The following FAM169A variants were observed in gnomAD, a reference collection of about 807,000 sequenced individuals.
The protein encoded by FAM169A is family with sequence similarity 169 member A.
FAM169A carries 24 observed loss-of-function variants against 75.7 expected under a neutral mutation model. The ratio of observed to expected loss-of-function variants is 0.32; its 90% confidence interval spans 0.23 to 0.45. The LOEUF (loss-of-function observed/expected upper bound fraction) is 0.45, where lower values mean the gene tolerates loss of function less well. Ranked by LOEUF, FAM169A falls within the 20% of genes least tolerant of loss-of-function variation. FAM169A has a pLI of 1.00. For missense variants in FAM169A, 673 were observed against 784.0 expected, an observed-to-expected ratio of 0.86 and a Z score of 1.69; for synonymous variants, 271 against 271.0, an observed-to-expected ratio of 1.00 and a Z score of 0.00.
At chr5:74,798,664 G>T (rs1746403416) in intron 10 of FAM169A, among the ~76,000 whole-genome samples, 1 of 152,158 alleles carries the variant, frequency 6.6e-6, no homozygotes. Flanking sequence ...GGAACAGTTG[G>T]CAGAACTGTT....
chr5:74,789,544 A>G (rs1214567259), intron 11 of FAM169A, among the ~76,000 whole-genome samples: 2 of 152,202 alleles, frequency 1.3e-5, no homozygotes, highest in African/African-American at 2.4e-5. Flanking sequence ...CCAGAACAGG[A>G]GAAGGCTCTG....
chr5:74,819,625 T>C (rs1459514297), intron 5 of FAM169A, among the ~76,000 whole-genome samples: 4 of 152,162 alleles, frequency 2.6e-5, no homozygotes, highest in Admixed American at 2.0e-4. Flanking sequence ...TTGTTCAAAA[T>C]AGCAACAATG....
Position 74,866,215 on chromosome 5 carries a change from C to T in FAM169A, c.-54G>A. The T allele has an allele frequency of 1.0e-6, 1 of 984,350 alleles. No individual in the cohort carries two copies. The highest frequency in any genetic ancestry group is 1.2e-6 in the Non-Finnish European group (1 of 829,586). The allele number at this position is 984,350 out of a possible 1,614,324, so 61.0% of individuals were successfully genotyped here. On this transcript the variant is annotated 5_prime_UTR_variant, in exon 1 of 13. Coordinates refer to ENST00000687041, the MANE Select transcript of FAM169A (RefSeq NM_001376049.1). ...GAAGAGCCCGGGAAAGGAGGCGGAGCCGCGCGAATGAATGGAGCCGGCGGC... is the reference window on the plus strand; with the variant it reads ...GAAGAGCCCGGGAAAGGAGGCGGAGTCGCGCGAATGAATGGAGCCGGCGGC...
intron 1 of FAM169A, among the ~76,000 whole-genome samples, chr5:74,862,427 C>T (rs1750085805): frequency 6.6e-6 from 1 of 152,160 alleles, no homozygotes; most frequent in African/African-American, 2.4e-5. Flanking sequence ...TCCCACATCC[C>T]CAAAAGCTTC....
At chr5:74,846,695 G>A (rs1208762423) in intron 1 of FAM169A, among the ~76,000 whole-genome samples, 3 of 152,152 alleles carry the variant, frequency 2.0e-5, no homozygotes, top group Non-Finnish European at 2.9e-5. Context: ...CTCCCAAGTA[G>A]CTAAGACCAC....
intron 4 of FAM169A, 96 bp downstream of exon 4, chr5:74,838,869 T>C (rs1312396969): frequency 2.3e-6 from 2 of 880,228 alleles, no homozygotes; most frequent in African/African-American, 3.3e-5. Context: ...ACCTGATTAT[T>C]TTTAAATGGG....
chr5:74,800,909 G>A lies in FAM169A; in HGVS notation c.1074C>T (p.Ser358=), dbSNP rs1038658968. 4 of 1,498,408 alleles carry A rather than the reference G, an allele frequency of 2.7e-6. No individual in the cohort carries two copies. The highest frequency in any genetic ancestry group is 2.0e-5 in the Admixed American group (1 of 49,080). The allele number at this position is 1,498,408 out of a possible 1,614,324, so 92.8% of individuals were successfully genotyped here. A position where few individuals can be genotyped will look rare whatever the true frequency, so the allele number is the denominator to read the frequency against. Residue 358 remains serine, a synonymous_variant, in exon 10 of 13, where the codon TCC becomes TCT. Coordinates refer to ENST00000687041, the MANE Select transcript of FAM169A (RefSeq NM_001376049.1). ...SSSQGEDEKT[S]QTSLTASINK... Reference sequence around the variant, plus strand: ...TTATTGAAGCTGTAAGTGAAGTCTGGGAGGTCTTTTCATCTTCACCTTGAG... The same window carrying A: ...TTATTGAAGCTGTAAGTGAAGTCTGAGAGGTCTTTTCATCTTCACCTTGAG...
At chr5:74,853,730 C>CA (rs1156254765) in intron 1 of FAM169A, among the ~76,000 whole-genome samples, 3 of 102,810 alleles carry the variant, frequency 2.9e-5, no homozygotes, top group East Asian at 3.0e-4. Flanking sequence ...TTTTTTGAGA[C>CA]AGAGTCTTGC....
intron 7 of FAM169A, 98 bp from the exon 8 acceptor site, chr5:74,804,703 G>T: frequency 1.6e-6 from 1 of 609,036 alleles, no homozygotes; most frequent in South Asian, 2.6e-5. Context: ...AGAGCAGCCT[G>T]GACAGAAGGG....
chr5:74,827,541 G>T (rs1337980777), intron 5 of FAM169A, among the ~76,000 whole-genome samples: 1 of 151,686 alleles, frequency 6.6e-6, no homozygotes, highest in East Asian at 1.9e-4. Flanking sequence ...AAGAAATTTG[G>T]AATTATTATA....
intron 1 of FAM169A, among the ~76,000 whole-genome samples, chr5:74,847,744 TAA>T (rs1403991583): frequency 1.3e-5 from 2 of 152,208 alleles, no homozygotes; most frequent in Admixed American, 1.3e-4. Context: ...AGAATATCAC[TAA>T]AGTGTGAAAA....
In FAM169A at chr5:74,804,528, T is replaced by C. The variant is rs569616909; in HGVS notation, c.877A>G (p.Thr293Ala). ...PASVPEYEAR[T>A]EDNQSSEMQL... ...ATCTCACTAGACTGATTGTCTTCAG[T>C]TCTTGCTTCGTATTCTGGAACAGAT... The change falls in exon 8 of 13, where the codon ACT (threonine) becomes GCT (alanine). Residue 293 changes from threonine (T) to alanine (A), a missense_variant. By Grantham distance (58) the Thr-to-Ala change is moderately conservative. Transcript: ENST00000687041. 1 of 1,611,330 alleles carries C rather than the reference T, an allele frequency of 6.2e-7. No homozygotes were observed.
chr5:74,784,211 T>G (rs1745553026), intron 11 of FAM169A, among the ~76,000 whole-genome samples: 1 of 151,422 alleles, frequency 6.6e-6, no homozygotes, highest in Non-Finnish European at 1.5e-5. Context: ...GTTCAGAAAA[T>G]CAAGGACTTT....
intron 6 of FAM169A, among the ~76,000 whole-genome samples, chr5:74,812,753 A>G (rs942437452): frequency 2.6e-5 from 4 of 152,216 alleles, no homozygotes; most frequent in Non-Finnish European, 4.4e-5. Context: ...AAGCAAAACT[A>G]TGAGATGCCC....
chr5:74,784,510 C>CAACAAAAAAAAAAAAAAAAAAAAAA (rs1745572997), intron 11 of FAM169A, among the ~76,000 whole-genome samples: 1 of 29,868 alleles, frequency 3.3e-5, no homozygotes, highest in African/African-American at 2.0e-4. Context: ...GACTCCGTCT[C>CAACAAAAAAAAAAAAAAAAAAAAAA]AAAAAAAAAA....
intron 2 of FAM169A, 138 bp from the exon 3 acceptor site, chr5:74,840,311 T>TA (rs1352043500): frequency 1.1e-5 from 5 of 450,304 alleles, no homozygotes; most frequent in Admixed American, 4.1e-5. Flanking sequence ...TTCTAGTCTC[T>TA]AAAAAAAGAG....
chr5:74,858,248 C>A (rs887879784), intron 1 of FAM169A, among the ~76,000 whole-genome samples: 1 of 151,894 alleles, frequency 6.6e-6, no homozygotes. Context: ...ATTAGCTGGG[C>A]GTGGTGGTAG....
intron 1 of FAM169A, among the ~76,000 whole-genome samples, chr5:74,857,700 T>A (rs1428999833): frequency 6.6e-6 from 1 of 150,902 alleles, no homozygotes; most frequent in Non-Finnish European, 1.5e-5. Flanking sequence ...GAACTGAGAC[T>A]TTCCAACAAT....
Position 74,782,918 on chromosome 5 carries a change from A to G in FAM169A, c.1464+13T>C, listed in dbSNP as rs2112454000. Reference sequence around the variant, plus strand: ...GGTAAACTTTATTAAAAAATAGCTCATTGCCCCCTTACCTTATCTGGTGCA... The same window carrying G: ...GGTAAACTTTATTAAAAAATAGCTCGTTGCCCCCTTACCTTATCTGGTGCA... On this transcript the variant is annotated intron_variant, in intron 12 of 12. Coordinates refer to ENST00000687041, the MANE Select transcript of FAM169A (RefSeq NM_001376049.1). 1.3e-6 allele frequency: 2 copies of G among 1,595,182 alleles called. No individual in the cohort carries two copies. The highest frequency in any genetic ancestry group is 1.7e-6 in the Non-Finnish European group (2 of 1,166,492).
Sources: allele counts gnomAD v4.1 joint callset (sites outside exome capture counted in the v4.1 genomes callset), GRCh38; gene constraint gnomAD v4.1.1; transcripts MANE v1.5; gene names NCBI Gene and HGNC (gene_info 2026-07-23, HGNC 2026-07-21).